PDE10A: variants seen among roughly 807,000 people sequenced by gnomAD.
PDE10A encodes the protein phosphodiesterase 10A, also known as cAMP and cAMP-inhibited cGMP 3',5'-cyclic phosphodiesterase 10A.
Under a neutral mutation model 97.7 loss-of-function variants are expected in PDE10A, and 39 were observed. That is an observed-to-expected ratio of 0.40 (90% confidence interval 0.31 to 0.52). The LOEUF (loss-of-function observed/expected upper bound fraction) is 0.52. Among genes scored for constraint, PDE10A ranks in the 20% least tolerant of loss-of-function variants. The pLI is 0.56. For synonymous variants in PDE10A, 371 were observed against 376.8 expected, an observed-to-expected ratio of 0.98 and a Z score of 0.18; for missense variants, 731 against 1,047.8, an observed-to-expected ratio of 0.70 and a Z score of 4.17.
intron 1 of PDE10A, among the ~76,000 whole-genome samples, chr6:165,849,862 G>T (rs1322033932): frequency 1.3e-5 from 2 of 152,120 alleles, no homozygotes; most frequent in Non-Finnish European, 2.9e-5. Context: ...TTCAAAAGTT[G>T]CACAAGTGTT....
chr6:165,656,258 T>TCTCTCTCACA (rs1365414526), intron 1 of PDE10A, among the ~76,000 whole-genome samples: 8 of 129,914 alleles, frequency 6.2e-5, no homozygotes, highest in African/African-American at 2.2e-4. Flanking sequence ...TCTCTCTCTC[T>TCTCTCTCACA]CACACACACA....
At chr6:165,594,411 C>T (rs2128388080) in intron 1 of PDE10A, among the ~76,000 whole-genome samples, 1 of 152,094 alleles carries the variant, frequency 6.6e-6, no homozygotes, top group Admixed American at 6.5e-5. Context: ...GATTATAACA[C>T]ATTAAGTACA....
chr6:165,651,566 G>A (rs1028192868), intron 1 of PDE10A, among the ~76,000 whole-genome samples: 1 of 152,178 alleles, frequency 6.6e-6, no homozygotes, highest in African/African-American at 2.4e-5. Flanking sequence ...GGCCTCAACA[G>A]GAACATGCTA....
At chr6:165,966,791 T>G (rs1784524212) in intron 1 of PDE10A, among the ~76,000 whole-genome samples, 1 of 152,214 alleles carries the variant, frequency 6.6e-6, no homozygotes, top group Non-Finnish European at 1.5e-5. Context: ...TATTTCATTG[T>G]GGTTATTCAT....
At chr6:165,393,399 T>C (rs921078137) in intron 15 of PDE10A, among the ~76,000 whole-genome samples, 1 of 151,472 alleles carries the variant, frequency 6.6e-6, no homozygotes, top group African/African-American at 2.4e-5. Flanking sequence ...ACTATATTTT[T>C]ATATTTTTTA....
chr6:165,349,755 CCT>C (rs1782573957), intron 18 of PDE10A, among the ~76,000 whole-genome samples: 1 of 152,094 alleles, frequency 6.6e-6, no homozygotes, highest in Non-Finnish European at 1.5e-5. Flanking sequence ...GACATGGTGC[CCT>C]GTTTACCAGC....
At chr6:165,508,940 C>T (rs1781354929) in intron 2 of PDE10A, among the ~76,000 whole-genome samples, 1 of 152,006 alleles carries the variant, frequency 6.6e-6, no homozygotes, top group African/African-American at 2.4e-5. Flanking sequence ...GACCCCTGCA[C>T]CTACAGAGAG....
In PDE10A at chr6:165,388,501, CAT is replaced by C; in HGVS notation, c.2455-50_2455-49del. On this transcript the variant is annotated intron_variant, in intron 16 of 21. Coordinates refer to ENST00000539869, the MANE Select transcript of PDE10A (RefSeq NM_001385079.1). This position sits in a 1 kb window ranked among gnomAD's most constrained non-coding sequence, Gnocchi z 4.0. ...GAGATGCTCAAAACACAGAAACACA[CAT>C]GAGCAGACTTACCGCTTACATTCAT... 1.9e-6 allele frequency: 3 copies of C among 1,547,304 alleles called. No individual in the cohort carries two copies. The highest frequency in any genetic ancestry group is 2.2e-5 in the East Asian group (1 of 44,538).
At chr6:165,435,701 C>A (rs1789965840) in intron 5 of PDE10A, among the ~76,000 whole-genome samples, 1 of 152,134 alleles carries the variant, frequency 6.6e-6, no homozygotes, top group Non-Finnish European at 1.5e-5. Flanking sequence ...GATCAAGATT[C>A]TATCAGACCA....
intron 2 of PDE10A, among the ~76,000 whole-genome samples, chr6:165,516,967 C>T (rs1481746479): frequency 6.6e-6 from 1 of 152,032 alleles, no homozygotes; most frequent in African/African-American, 2.4e-5. Flanking sequence ...ATATTTTTAA[C>T]ATAATGTGCT....
At position 165,373,676 on chromosome 6, in the gene PDE10A, T is replaced by A. The variant is rs535070564; in HGVS notation, c.2783+5518A>T. ...ACCATTGTGGAAGTCAGTGTGGCGA[T>A]TCCTCAGGGATCTAGAACTAGAAAT... On this transcript the variant is annotated intron_variant, in intron 18 of 21. Coordinates refer to ENST00000539869, the MANE Select transcript of PDE10A (RefSeq NM_001385079.1). Among the ~76,000 whole-genome samples, 31 of 152,268 alleles carry A rather than the reference T, an allele frequency of 2.0e-4. No homozygotes were observed. In the East Asian group the frequency reaches 5.8e-3, roughly 29 times the overall value.
At chr6:165,607,306 A>G (rs1787257649) in intron 1 of PDE10A, among the ~76,000 whole-genome samples, 1 of 152,250 alleles carries the variant, frequency 6.6e-6, no homozygotes, top group African/African-American at 2.4e-5. Flanking sequence ...CCAAAGATAT[A>G]TGAGATGGTC....
chr6:165,958,720 A>AAAGT (rs1784259718), intron 1 of PDE10A, among the ~76,000 whole-genome samples: 1 of 16,886 alleles, frequency 5.9e-5, no homozygotes, highest in Non-Finnish European at 1.0e-4. Context: ...AAGAGAGAAG[A>AAAGT]AAGAAAGAAA....
intron 2 of PDE10A, among the ~76,000 whole-genome samples, chr6:165,533,212 T>C (rs1782886672): frequency 6.6e-6 from 1 of 152,232 alleles, no homozygotes; most frequent in African/African-American, 2.4e-5. Context: ...ATGAAAGTGA[T>C]GTTCTTGAGA....
chr6:165,691,224 C>CAG (rs1791288077), intron 1 of PDE10A, among the ~76,000 whole-genome samples: 1 of 147,752 alleles, frequency 6.8e-6, no homozygotes, highest in South Asian at 2.1e-4. Context: ...CACACACACA[C>CAG]ACACACACAC....
chr6:165,971,419 C>T (rs764539373), intron 1 of PDE10A, among the ~76,000 whole-genome samples: 2 of 152,174 alleles, frequency 1.3e-5, no homozygotes, highest in Non-Finnish European at 2.9e-5. Flanking sequence ...TCATGCCACA[C>T]CTTCTTACCT....
At chr6:165,681,573 G>T (rs1347197396) in intron 1 of PDE10A, among the ~76,000 whole-genome samples, 1 of 152,156 alleles carries the variant, frequency 6.6e-6, no homozygotes, top group Non-Finnish European at 1.5e-5. Flanking sequence ...AGGGGATACC[G>T]ATGCTGCCGG....
intron 2 of PDE10A, among the ~76,000 whole-genome samples, chr6:165,497,415 ATATTT>A (rs1562522133): frequency 6.6e-6 from 1 of 152,182 alleles, no homozygotes; most frequent in Non-Finnish European, 1.5e-5. Context: ...TGCCTTCCTT[ATATTT>A]TATTTTATAG....
At chr6:165,613,544 T>C (rs2128402486) in intron 1 of PDE10A, among the ~76,000 whole-genome samples, 1 of 151,996 alleles carries the variant, frequency 6.6e-6, no homozygotes, top group African/African-American at 2.4e-5. Context: ...GAAGCTAAGG[T>C]GTGGGGGGAT....
Sources: gnomAD v4.1 joint callset for allele counts (sites outside exome capture counted in the v4.1 genomes callset) on GRCh38, gnomAD v4.1.1 for gene constraint, Gnocchi (gnomAD v3.1) non-coding constraint, MANE v1.5 for transcripts, NCBI Gene and HGNC (gene_info 2026-07-23, HGNC 2026-07-21) for gene names.